PTPRJ: variants seen among roughly 807,000 people sequenced by gnomAD.
PTPRJ encodes the protein receptor-type tyrosine-protein phosphatase eta.
Under a neutral mutation model 141.3 loss-of-function variants are expected in PTPRJ, and 129 were observed. That is an observed-to-expected ratio of 0.91 (90% CI 0.79 to 1.06). The LOEUF (loss-of-function observed/expected upper bound fraction) is 1.06, where lower values mean the gene tolerates loss of function less well. PTPRJ is among the 50% of genes least tolerant of loss of function. The probability of loss-of-function intolerance (pLI) is 0.00; values close to 1 mark genes in which losing one functional copy is unlikely to be tolerated. For missense variants in PTPRJ, 1,601 were observed against 1,679.7 expected (o/e 0.95, Z 0.82); for synonymous variants, 610 against 640.5 (o/e 0.95, Z 0.72).
At chr11:48,136,319 C>T in intron 9 of PTPRJ, 23 bp downstream of exon 9, 2 of 1,606,994 alleles carry the variant, frequency 1.2e-6, no homozygotes, top group Non-Finnish European at 8.5e-7. Context: ...GGATGCCCTT[C>T]TAAGGAACAG....
At chr11:48,051,084 C>CTTT (rs59987198) in intron 1 of PTPRJ, among the ~76,000 whole-genome samples, 1,829 of 79,312 alleles carry the variant, frequency 0.023, 377 homozygotes, top group African/African-American at 0.03. Context: ...TAACTGATGA[C>CTTT]TTTTTTTTTT....
intron 1 of PTPRJ, among the ~76,000 whole-genome samples, chr11:48,007,215 C>T (rs1854646092): frequency 1.3e-5 from 2 of 152,032 alleles, no homozygotes; most frequent in Non-Finnish European, 2.9e-5. Flanking sequence ...ATTCTCCTGC[C>T]TCAGCCTCCC....
At chr11:48,063,342 C>T (rs572197665) in intron 1 of PTPRJ, among the ~76,000 whole-genome samples, 2 of 152,138 alleles carry the variant, frequency 1.3e-5, no homozygotes, top group African/African-American at 2.4e-5. Flanking sequence ...ACAACAACAA[C>T]AAGAACAACA....
chr11:48,054,033 A>G (rs894863733), intron 1 of PTPRJ, among the ~76,000 whole-genome samples: 3 of 149,410 alleles, frequency 2.0e-5, no homozygotes, highest in African/African-American at 7.4e-5. Context: ...TCTAGGTTCA[A>G]GTAGTTCTCC....
chr11:48,000,573 C>T (rs912352980), intron 1 of PTPRJ, among the ~76,000 whole-genome samples: 1 of 151,926 alleles, frequency 6.6e-6, no homozygotes, highest in Non-Finnish European at 1.5e-5. Flanking sequence ...GATGATCAGA[C>T]CCCTCCCTCC....
intron 1 of PTPRJ, among the ~76,000 whole-genome samples, chr11:48,024,928 T>A (rs951088694): frequency 1.1e-4 from 16 of 152,232 alleles, no homozygotes; most frequent in African/African-American, 3.9e-4. Context: ...TACAGAGCTC[T>A]CGGGTGATAG....
chr11:48,083,145 G>C (rs1565293851), intron 1 of PTPRJ, among the ~76,000 whole-genome samples: 2 of 152,208 alleles, frequency 1.3e-5, no homozygotes, highest in African/African-American at 4.8e-5. Flanking sequence ...TTTTTCTAAG[G>C]CTGGGTGCGG....
At chr11:48,081,230 G>T (rs1406944275) in intron 1 of PTPRJ, among the ~76,000 whole-genome samples, 1 of 152,178 alleles carries the variant, frequency 6.6e-6, no homozygotes, top group African/African-American at 2.4e-5. Context: ...TGCTTGTGCC[G>T]AGCCGCCAAG....
intron 1 of PTPRJ, among the ~76,000 whole-genome samples, chr11:47,985,182 T>C (rs1440440001): frequency 6.6e-6 from 1 of 150,534 alleles, no homozygotes; most frequent in Non-Finnish European, 1.5e-5. Flanking sequence ...GGGTCTTGCT[T>C]TGTCACCCAG....
Position 48,169,642 on chromosome 11 carries a change from C to T in PTPRJ, c.*2280C>T, listed in dbSNP as rs1858008713. ...TCCCAGGGAGCTCCTAAGCCCTGCT[C>T]TGCCCACATCACTGCCACAGAGAAG... On this transcript the variant is annotated 3_prime_UTR_variant, in exon 25 of 25. Coordinates refer to ENST00000418331, the MANE Select transcript of PTPRJ (RefSeq NM_002843.4). 6.6e-6 allele frequency: 1 copy of T among 152,212 alleles called. No individual in the cohort carries two copies. The highest frequency in any genetic ancestry group is 2.4e-5 in the African/African-American group (1 of 41,440). The allele number at this position is 152,212 out of a possible 1,614,324, so 9.4% of individuals were successfully genotyped here.
Position 48,000,575 on chromosome 11 carries a change from C to T in PTPRJ, c.96+19567C>T, listed in dbSNP as rs79187571. Among the ~76,000 whole-genome samples the T allele has an allele frequency of 7.9e-4, 120 of 152,068 alleles. 2 individuals are homozygous for T. The East Asian group carries it at 0.018, about 23-fold the overall frequency. On this transcript the variant is annotated intron_variant, in intron 1 of 24. Coordinates refer to ENST00000418331, the MANE Select transcript of PTPRJ (RefSeq NM_002843.4). ...AACCTTAGATCAGGATGATCAGACC[C>T]CTCCCTCCCCTCCACCCTCCGACCT... is the stretch of plus-strand genomic sequence containing the variant.
Position 48,123,762 on chromosome 11 carries a change from C to G in PTPRJ, c.766C>G (p.Gln256Glu). 1.9e-6 allele frequency: 3 copies of G among 1,614,090 alleles called. No individual in the cohort carries two copies. The highest frequency in any genetic ancestry group is 2.5e-6 in the Non-Finnish European group (3 of 1,180,030). ...GGAGTTGACTCAAGACTCAAGACTT[C>G]AGGTCAATATCTCGGGCCTGAAGCC... ...HEELTQDSRL[Q>E]VNISGLKPGV... Residue 256 changes from glutamine to glutamate, a missense_variant, in exon 5 of 25, where the codon CAG (glutamine) becomes GAG (glutamate). By Grantham distance (29) the Gln-to-Glu change is conservative. Transcript: ENST00000418331.
intron 1 of PTPRJ, among the ~76,000 whole-genome samples, chr11:48,054,526 G>A (rs1001124397): frequency 2.6e-5 from 4 of 152,150 alleles, no homozygotes; most frequent in South Asian, 2.1e-4. Context: ...ACTTGGAAAG[G>A]TGAAGTGACT....
intron 14 of PTPRJ, among the ~76,000 whole-genome samples, chr11:48,146,421 A>C (rs1307780331): frequency 6.6e-6 from 1 of 152,206 alleles, no homozygotes; most frequent in Non-Finnish European, 1.5e-5. Flanking sequence ...CTGCCCCAGA[A>C]GCAAAGTTTA....
intron 1 of PTPRJ, among the ~76,000 whole-genome samples, chr11:48,086,210 G>T (rs1565295495): frequency 6.6e-6 from 1 of 152,202 alleles, no homozygotes; most frequent in Non-Finnish European, 1.5e-5. Context: ...CGGAGTCTCT[G>T]TCGCCCAGGC....
chr11:48,149,042 C>T (rs1032434147), intron 15 of PTPRJ, among the ~76,000 whole-genome samples: 3 of 152,268 alleles, frequency 2.0e-5, no homozygotes, highest in Non-Finnish European at 4.4e-5. Context: ...GATGCCTCAC[C>T]AACTTGCCAG....
intron 1 of PTPRJ, among the ~76,000 whole-genome samples, chr11:48,099,163 G>A (rs897300308): frequency 7.9e-5 from 12 of 152,176 alleles, no homozygotes; most frequent in Non-Finnish European, 1.2e-4. Flanking sequence ...GAGCTGCTGC[G>A]GGTCCATCCC....
chr11:47,992,810 GGTGA>G (rs1854230550), intron 1 of PTPRJ, among the ~76,000 whole-genome samples: 1 of 152,116 alleles, frequency 6.6e-6, no homozygotes, highest in Non-Finnish European at 1.5e-5. Context: ...AGAGTTTGCT[GGTGA>G]GTATTGTCCA....
intron 1 of PTPRJ, among the ~76,000 whole-genome samples, chr11:48,037,530 G>A (rs1488800028): frequency 1.3e-5 from 2 of 152,180 alleles, no homozygotes; most frequent in Admixed American, 1.3e-4. Context: ...GTCCACACAC[G>A]GCCAGGCGCG....
Sources: gnomAD v4.1 joint callset for allele counts (sites outside exome capture counted in the v4.1 genomes callset) on GRCh38, gnomAD v4.1.1 for gene constraint, MANE v1.5 for transcripts, NCBI Gene and HGNC (gene_info 2026-07-23, HGNC 2026-07-21) for gene names.